MACF1: variants seen among roughly 807,000 people sequenced by gnomAD.
MACF1 encodes the protein microtubule-actin cross-linking factor 1.
A neutral mutation model predicts 854.8 loss-of-function variants in MACF1; 193 were observed. The ratio of observed to expected loss-of-function variants is 0.23; its 90% CI spans 0.20 to 0.25. The LOEUF is 0.25. Among genes scored for constraint, MACF1 ranks in the 10% least tolerant of loss-of-function variants. The pLI is 1.00. For missense variants in MACF1, 7,722 were observed against 8,929.1 expected (o/e 0.86, Z 5.45); for synonymous variants, 3,185 against 3,226.7 (o/e 0.99, Z 0.44).
At chr1:39,436,568 C>G in intron 70 of MACF1, 5 of 1,354,690 alleles carry the variant, frequency 3.7e-6, no homozygotes, top group Non-Finnish European at 5.3e-6. Flanking sequence ...AAGGGAATTT[C>G]CCTTAACTTT....
intron 23 of MACF1, chr1:39,304,685 T>C (rs947965782): frequency 2.3e-6 from 1 of 428,224 alleles, no homozygotes; most frequent in African/African-American, 2.1e-5. Context: ...TGCCTCAGCC[T>C]CCTGAGTAGC....
intron 40 of MACF1, among the ~76,000 whole-genome samples, chr1:39,345,141 A>G (rs1224065699): frequency 1.3e-5 from 2 of 152,250 alleles, no homozygotes; most frequent in African/African-American, 2.4e-5. Flanking sequence ...CCAGTATAAC[A>G]TAATTGATAA....
chr1:39,461,445 A>G (rs1644551865), intron 92 of MACF1, among the ~76,000 whole-genome samples: 1 of 152,100 alleles, frequency 6.6e-6, no homozygotes, highest in African/African-American at 2.4e-5. Context: ...CTATAAGTGG[A>G]TATGTATTAT....
At chr1:39,458,945 C>A in intron 90 of MACF1, 141 bp from the exon 91 acceptor site, 2 of 741,160 alleles carry the variant, frequency 2.7e-6, no homozygotes, top group Non-Finnish European at 2.1e-6. Context: ...ACCTCCGTAT[C>A]TAAATATTGC....
chr1:39,245,383 C>T (rs544387536), intron 2 of MACF1, among the ~76,000 whole-genome samples: 1 of 152,156 alleles, frequency 6.6e-6, no homozygotes, highest in East Asian at 1.9e-4. Context: ...CCCTCCAGCG[C>T]GATTCTCGTG....
chr1:39,485,067 A>G, intron 100 of MACF1: 1 of 375,484 alleles, frequency 2.7e-6, no homozygotes, highest in Non-Finnish European at 4.8e-6. Flanking sequence ...AATTTTTCCA[A>G]CACGTCATAC....
rs138516960 is a variant in MACF1, at chr1:39,432,799, G to A, written c.17457+145G>A. 43 of 1,013,904 alleles carry A rather than the reference G, an allele frequency of 4.2e-5. No individual in the cohort carries two copies. The East Asian group carries it at 1.2e-3, about 29-fold the overall frequency. The allele number at this position is 1,013,904 out of a possible 1,614,324, so 62.8% of individuals were successfully genotyped here. A position where few individuals can be genotyped will look rare whatever the true frequency, so the allele number is the denominator to read the frequency against. On this transcript the variant is annotated intron_variant, in intron 67 of 100. Coordinates refer to ENST00000564288, the MANE Select transcript of MACF1 (RefSeq NM_001394062.1). The stretch of plus-strand genomic sequence containing the variant: ...AATTTTCTATGTATTTGGTTGAGAT[G>A]AGGAAGAATTTTTTTTTTTGCTTTG...
At chr1:39,484,222 A>C (rs1239315857) in intron 99 of MACF1, among the ~76,000 whole-genome samples, 1 of 152,236 alleles carries the variant, frequency 6.6e-6, no homozygotes. Flanking sequence ...GCTAAAACTC[A>C]TTTCAAATTT....
Position 39,353,133 on chromosome 1 carries a change from G to A in MACF1, c.11326G>A (p.Gly3776Arg), listed in dbSNP as rs761173729. 1 of 1,614,166 alleles carries A rather than the reference G, an allele frequency of 6.2e-7. No homozygotes were observed. The highest frequency in any genetic ancestry group is 2.2e-5 in the East Asian group (1 of 44,882). ...TNLPGMEQLS[G>R]ASLEKGALDT... ...CCTTCCAGGAATGGAGCAGCTCTCG[G>A]GAGCTAGCTTGGAGAAAGGAGCCTT... The change falls in exon 44 of 101, where the codon GGA becomes AGA. Residue 3776 changes from glycine (G) to arginine (R), a missense_variant. Physicochemically the swap from Gly to Arg is moderately radical, Grantham distance 125. Coordinates refer to ENST00000564288, the MANE Select transcript of MACF1 (RefSeq NM_001394062.1).
At chr1:39,109,554 C>T (rs974935144) in intron 2 of MACF1, among the ~76,000 whole-genome samples, 2 of 152,070 alleles carry the variant, frequency 1.3e-5, no homozygotes, top group African/African-American at 2.4e-5. Context: ...GGATTACAGG[C>T]GTGAGCCATT....
intron 2 of MACF1, among the ~76,000 whole-genome samples, chr1:39,146,986 A>G (rs1255721386): frequency 1.3e-5 from 2 of 151,824 alleles, no homozygotes; most frequent in Admixed American, 1.3e-4. Context: ...GTACCCACAA[A>G]TATTTGTCTT....
At chr1:39,482,729 G>T (rs531645924) in intron 99 of MACF1, among the ~76,000 whole-genome samples, 2 of 148,858 alleles carry the variant, frequency 1.3e-5, no homozygotes, top group South Asian at 2.1e-4. Flanking sequence ...GGGAGGCAGA[G>T]GTTGCAGTGA....
At chr1:39,269,726 T>A in intron 6 of MACF1, 2 of 1,286,440 alleles carry the variant, frequency 1.6e-6, no homozygotes, top group Non-Finnish European at 2.0e-6. Context: ...AAGAGGTAGG[T>A]GGGCATGTTC....
At position 39,451,878 on chromosome 1, in the gene MACF1, CT is replaced by C. The variant is rs574606998; in HGVS notation, c.20419-271del. Among the ~76,000 whole-genome samples the C allele has an allele frequency of 2.0e-5, 3 of 151,840 alleles. No individual in the cohort carries two copies. In the South Asian group the frequency reaches 6.2e-4, roughly 32 times the overall value. On this transcript the variant is annotated intron_variant, in intron 85 of 100. Coordinates refer to ENST00000564288, the MANE Select transcript of MACF1 (RefSeq NM_001394062.1). ...CTGGTTGTTTTTTTCTTTCTTTTTT[CT>C]TTTTTTCCCCTTGAGATTGGGTCTC...
rs369833570 is a variant in MACF1, at chr1:39,232,227, T to G, written c.171+984T>G. On this transcript the variant is annotated intron_variant, in intron 2 of 100. Coordinates refer to ENST00000564288, the MANE Select transcript of MACF1 (RefSeq NM_001394062.1). ...ACCTAAAGATAAACAGTATGACTAC[T>G]GTGGCAGTTAGAATCTGAAAACAAA... 3.2e-4 allele frequency among the ~76,000 whole-genome samples: 49 copies of G among 151,858 alleles called. 1 individual carries two copies. The East Asian group carries it at 6.0e-3, about 19-fold the overall frequency.
intron 2 of MACF1, among the ~76,000 whole-genome samples, chr1:39,181,690 A>G (rs1644106913): frequency 6.6e-6 from 1 of 152,204 alleles, no homozygotes; most frequent in African/African-American, 2.4e-5. Context: ...ACAGGATGGT[A>G]CTGGCATAGG....
At position 39,452,356 on chromosome 1, in the gene MACF1, G is replaced by A. The variant is rs778117785; in HGVS notation, c.20613+6G>A. 14 of 1,610,946 alleles carry A rather than the reference G, an allele frequency of 8.7e-6. No individual in the cohort carries two copies. Among genetic ancestry groups the A allele is most frequent in the Non-Finnish European group, 1.2e-5 (14 of 1,178,340 alleles). ...TTGAGCAGGCCTTAAAACAAGTAAG[G>A]GATATTTGCTGTCCCAACCCAAGGG... On this transcript the variant is annotated splice_donor_region_variant and intron_variant, in intron 86 of 100. Coordinates refer to ENST00000564288, the MANE Select transcript of MACF1 (RefSeq NM_001394062.1).
chr1:39,216,959 C>G (rs1373791456), intron 1 of MACF1, among the ~76,000 whole-genome samples: 1 of 152,304 alleles, frequency 6.6e-6, no homozygotes, highest in East Asian at 1.9e-4. Flanking sequence ...GGGGTTCCTA[C>G]TCCACCACTT....
intron 1 of MACF1, among the ~76,000 whole-genome samples, chr1:39,220,230 C>G (rs1644632673): frequency 6.6e-6 from 1 of 152,104 alleles, no homozygotes; most frequent in African/African-American, 2.4e-5. Flanking sequence ...GGCTGGAGTG[C>G]AGTGGCACAA....
Sources: allele counts gnomAD v4.1 joint callset (sites outside exome capture counted in the v4.1 genomes callset), GRCh38; gene constraint gnomAD v4.1.1; transcripts MANE v1.5; gene names NCBI Gene and HGNC (gene_info 2026-07-23, HGNC 2026-07-21).